Variants in CNTN4 observed in about 807,000 individuals in gnomAD.
CNTN4 encodes contactin 4, also known as contactin-4.
In CNTN4, 77 loss-of-function variants were observed where a neutral mutation model predicts 122.5. The ratio of observed to expected loss-of-function variants is 0.63; its 90% CI spans 0.52 to 0.76. The LOEUF (loss-of-function observed/expected upper bound fraction) is 0.76. Ranked by LOEUF, CNTN4 falls within the 30% of genes least tolerant of loss-of-function variation. The probability of loss-of-function intolerance (pLI) is 0.00; values close to 1 mark genes in which losing one functional copy is unlikely to be tolerated. For missense variants in CNTN4, 1,256 were observed against 1,259.1 expected (o/e 1.00, Z 0.04); for synonymous variants, 512 against 447.0 (o/e 1.15, Z -1.83).
At chr3:2,196,847 C>A (rs913303165) in intron 2 of CNTN4, among the ~76,000 whole-genome samples, 4 of 151,788 alleles carry the variant, frequency 2.6e-5, no homozygotes, top group Non-Finnish European at 5.9e-5. Context: ...AAGTTCGAGA[C>A]CAGCCTGACC....
In CNTN4 at chr3:2,297,219, G is replaced by T. The variant is rs763042120; in HGVS notation, c.-144-41959G>T. 3.9e-5 allele frequency among the ~76,000 whole-genome samples: 6 copies of T among 152,194 alleles called. No homozygotes were observed. In the South Asian group the frequency reaches 1.2e-3, roughly 32 times the overall value. On this transcript the variant is annotated intron_variant, in intron 2 of 24. Coordinates refer to ENST00000418658, the MANE Select transcript of CNTN4 (RefSeq NM_175607.3). ...TGGTATCAAATAACTTACATTATTT[G>T]CAACTATGAGAATGCACAGAAAGCT...
intron 3 of CNTN4, among the ~76,000 whole-genome samples, chr3:2,550,214 T>C (rs1032733819): frequency 3.3e-5 from 5 of 152,166 alleles, no homozygotes; most frequent in Admixed American, 2.0e-4. Flanking sequence ...TCTGCTCTGA[T>C]CTTAGGTATA....
At chr3:2,229,722 C>G (rs1189321091) in intron 2 of CNTN4, among the ~76,000 whole-genome samples, 1 of 152,082 alleles carries the variant, frequency 6.6e-6, no homozygotes, top group African/African-American at 2.4e-5. Context: ...AGAAATTGTG[C>G]TAATTTTTGT....
intron 3 of CNTN4, among the ~76,000 whole-genome samples, chr3:2,492,252 T>C (rs1413765869): frequency 1.3e-5 from 2 of 152,194 alleles, no homozygotes; most frequent in Non-Finnish European, 2.9e-5. Context: ...TGTACTCTTT[T>C]ATTATAGCGC....
intron 2 of CNTN4, among the ~76,000 whole-genome samples, chr3:2,247,120 A>G (rs1575165826): frequency 6.6e-6 from 1 of 151,900 alleles, no homozygotes; most frequent in African/African-American, 2.4e-5. Flanking sequence ...TGGAAGGGAG[A>G]TTTGCATGGA....
intron 3 of CNTN4, among the ~76,000 whole-genome samples, chr3:2,400,339 A>AATAT (rs34800226): frequency 6.9e-6 from 1 of 144,386 alleles, no homozygotes; most frequent in African/African-American, 2.5e-5. Flanking sequence ...ATGTAAAAGA[A>AATAT]ATATATATAT....
intron 3 of CNTN4, among the ~76,000 whole-genome samples, chr3:2,416,323 C>T (rs1184737035): frequency 6.6e-6 from 1 of 151,964 alleles, no homozygotes; most frequent in Non-Finnish European, 1.5e-5. Flanking sequence ...ATTTTGTGAC[C>T]TTCAAAATTT....
intron 6 of CNTN4, among the ~76,000 whole-genome samples, chr3:2,809,905 G>A (rs62234208): frequency 0.15 from 22,346 of 152,042 alleles, 1,752 homozygotes; most frequent in African/African-American, 0.19. Context: ...AAAGAAATGA[G>A]GAAAAGGAAA....
chr3:2,151,732 A>T (rs1025000885), intron 2 of CNTN4, among the ~76,000 whole-genome samples: 1 of 152,120 alleles, frequency 6.6e-6, no homozygotes, highest in Admixed American at 6.5e-5. Context: ...TGAAAGTGGG[A>T]CTGGTGGCTT....
At chr3:2,814,997 G>T (rs1323937018) in intron 6 of CNTN4, among the ~76,000 whole-genome samples, 3 of 152,150 alleles carry the variant, frequency 2.0e-5, no homozygotes, top group Non-Finnish European at 4.4e-5. Context: ...GTCTCATAAT[G>T]CCTGCTGCTA....
At chr3:2,729,367 A>C (rs147985499) in intron 4 of CNTN4, among the ~76,000 whole-genome samples, 22 of 148,872 alleles carry the variant, frequency 1.5e-4, no homozygotes, top group Non-Finnish European at 2.8e-4. Flanking sequence ...GATTGAGACC[A>C]TCCCGGCTAA....
At chr3:2,878,835 G>T (rs936709022) in intron 8 of CNTN4, among the ~76,000 whole-genome samples, 4 of 152,148 alleles carry the variant, frequency 2.6e-5, no homozygotes, top group African/African-American at 9.7e-5. Flanking sequence ...GAATAAACAA[G>T]AGAATTATAA....
intron 3 of CNTN4, among the ~76,000 whole-genome samples, chr3:2,569,005 G>C (rs1479412831): frequency 6.6e-6 from 1 of 152,116 alleles, no homozygotes; most frequent in African/African-American, 2.4e-5. Context: ...CTGATCATTT[G>C]CTTAAGACAT....
At chr3:2,700,151 A>C (rs2086278456) in intron 4 of CNTN4, among the ~76,000 whole-genome samples, 1 of 152,186 alleles carries the variant, frequency 6.6e-6, no homozygotes, top group East Asian at 1.9e-4. Flanking sequence ...TTGAACTGGA[A>C]ATTTAGCACA....
chr3:2,984,372 G>A (rs1694353767), intron 13 of CNTN4, among the ~76,000 whole-genome samples: 1 of 152,158 alleles, frequency 6.6e-6, no homozygotes, highest in African/African-American at 2.4e-5. Context: ...TGACCCCCAG[G>A]GTATCTTTGA....
chr3:2,216,036 G>A (rs536160911), intron 2 of CNTN4, among the ~76,000 whole-genome samples: 1 of 152,206 alleles, frequency 6.6e-6, no homozygotes, highest in South Asian at 2.1e-4. Context: ...CCATTACTGA[G>A]TATATGCCCA....
At chr3:2,829,136 G>A (rs1470494675) in intron 7 of CNTN4, among the ~76,000 whole-genome samples, 4 of 152,132 alleles carry the variant, frequency 2.6e-5, no homozygotes, top group African/African-American at 9.7e-5. Context: ...AATGTAATCA[G>A]CCAGTTCCTC....
chr3:2,864,694 G>A (rs1326390610), intron 7 of CNTN4, among the ~76,000 whole-genome samples: 3 of 129,288 alleles, frequency 2.3e-5, no homozygotes, highest in Admixed American at 9.5e-5. Context: ...AGCCAAGATC[G>A]TGCCACTGCA....
chr3:2,373,564 C>CA (rs2045710980), intron 3 of CNTN4, among the ~76,000 whole-genome samples: 1 of 152,168 alleles, frequency 6.6e-6, no homozygotes, highest in Admixed American at 6.5e-5. Flanking sequence ...CTCTTCACCC[C>CA]ACCTAAGAAT....
Sources: gnomAD v4.1 joint callset for allele counts (sites outside exome capture counted in the v4.1 genomes callset) on GRCh38, gnomAD v4.1.1 for gene constraint, MANE v1.5 for transcripts, NCBI Gene and HGNC (gene_info 2026-07-23, HGNC 2026-07-21) for gene names.